The following ZNF106 variants were observed in gnomAD, a reference collection of about 807,000 sequenced individuals.
ZNF106 encodes the protein SH3-domain binding protein 3.
In ZNF106, 67 loss-of-function variants were observed where a neutral mutation model predicts 195.1. The ratio of observed to expected loss-of-function variants is 0.34; its 90% CI spans 0.28 to 0.42. The LOEUF (loss-of-function observed/expected upper bound fraction) is 0.42, where lower values mean the gene tolerates loss of function less well. ZNF106 is among the 10% of genes least tolerant of loss of function. The pLI is 1.00. For missense variants in ZNF106, 2,118 were observed against 2,304.5 expected, an observed-to-expected ratio of 0.92 and a Z score of 1.66; for synonymous variants, 784 against 818.6, an observed-to-expected ratio of 0.96 and a Z score of 0.72.
chr15:42,442,460 GA>G, intron 9 of ZNF106, 46 bp from the exon 10 acceptor site: 1 of 1,504,596 alleles, frequency 6.6e-7, no homozygotes, highest in Non-Finnish European at 9.0e-7. Flanking sequence ...AATGTTATCT[GA>G]AAAGTCATTT....
Position 42,448,719 on chromosome 15 carries a change from G to A in ZNF106, c.2502-14C>T. ...TCTATGCCAAACCTTAAGGAAGAAAGAAAAAATGAAAACATAAATTGGATA... is the reference window on the plus strand; with the variant it reads ...TCTATGCCAAACCTTAAGGAAGAAAAAAAAAATGAAAACATAAATTGGATA... On this transcript the variant is annotated splice_polypyrimidine_tract_variant and intron_variant, in intron 5 of 21. Transcript: ENST00000564754. The A allele has an allele frequency of 3.8e-6, 6 of 1,565,118 alleles. No individual in the cohort carries two copies. In the Admixed American group the frequency reaches 7.8e-5, roughly 20 times the overall value.
chr15:42,437,199 A>G (rs781262300), intron 13 of ZNF106, 33 bp downstream of exon 13: 3 of 1,582,442 alleles, frequency 1.9e-6, no homozygotes, highest in African/African-American at 2.7e-5. Flanking sequence ...AAAACCTGCA[A>G]CCAAAAACAT....
intron 3 of ZNF106, among the ~76,000 whole-genome samples, chr15:42,462,391 A>T (rs2141393676): frequency 1.3e-5 from 2 of 152,338 alleles, no homozygotes; most frequent in African/African-American, 4.8e-5. Flanking sequence ...TGAGGTCAGG[A>T]GTTCGAGACC....
In ZNF106 at chr15:42,487,962, A is replaced by G. The variant is rs117581049; in HGVS notation, c.-33+3018T>C. On this transcript the variant is annotated intron_variant, in intron 1 of 21. Transcript: ENST00000564754. ...ATCTGAGAATGTTAAAGACCCTTAT[A>G]TGAAATGGCACAGTATATGCATGTA... Among the ~76,000 whole-genome samples, 783 of 152,314 alleles carry G rather than the reference A, an allele frequency of 5.1e-3. 4 individuals carry two copies. Among genetic ancestry groups the G allele is most frequent in the Non-Finnish European group, 7.3e-3 (497 of 68,030 alleles).
intron 1 of ZNF106, among the ~76,000 whole-genome samples, chr15:42,477,922 CTTACA>C (rs1355059966): frequency 4.0e-5 from 6 of 151,096 alleles, no homozygotes; most frequent in African/African-American, 7.3e-5. Flanking sequence ...ACAAAAAAAA[CTTACA>C]TTAGTGTGTT....
At position 42,464,335 on chromosome 15, in the gene ZNF106, G is replaced by A. The variant is rs545719706; in HGVS notation, c.116+1718C>T. 2.9e-5 allele frequency among the ~76,000 whole-genome samples: 4 copies of A among 140,224 alleles called. No individual in the cohort carries two copies. In the East Asian group the frequency reaches 6.1e-4, roughly 21 times the overall value. 92.0% of individuals were successfully genotyped at this position (140,224 alleles called of 152,430 possible). On this transcript the variant is annotated intron_variant, in intron 3 of 21. Coordinates refer to ENST00000564754, the MANE Select transcript of ZNF106 (RefSeq NM_001366845.3). Reference sequence around the variant, plus strand: ...AACCTGGGCAACAGAGTGAGACTCCGTCTCAAAAAAAAAAAAACAAAAAAC... The same window carrying A: ...AACCTGGGCAACAGAGTGAGACTCCATCTCAAAAAAAAAAAAACAAAAAAC...
At chr15:42,422,468 TC>T in intron 18 of ZNF106, 32 bp downstream of exon 18, 1 of 1,605,844 alleles carries the variant, frequency 6.2e-7, no homozygotes, top group Non-Finnish European at 8.5e-7. Context: ...TCTCCCCAAA[TC>T]ATTCAAGCAA....
intron 13 of ZNF106, among the ~76,000 whole-genome samples, chr15:42,437,010 T>C (rs1240375356): frequency 6.6e-6 from 1 of 152,166 alleles, no homozygotes; most frequent in Non-Finnish European, 1.5e-5. Context: ...GGGAACTAGC[T>C]TTCAGGAAGA....
intron 14 of ZNF106, among the ~76,000 whole-genome samples, chr15:42,432,818 G>A (rs771861271): frequency 6.6e-6 from 1 of 151,886 alleles, no homozygotes; most frequent in Non-Finnish European, 1.5e-5. Context: ...CCAGGAGTTC[G>A]AGGCTGCAAT....
intron 9 of ZNF106, 25 bp from the exon 10 acceptor site, chr15:42,442,439 A>C (rs2141330041): frequency 1.3e-6 from 2 of 1,559,224 alleles, no homozygotes; most frequent in East Asian, 4.5e-5. Flanking sequence ...ATACATACAT[A>C]GAAATGCAAA....
intron 12 of ZNF106, among the ~76,000 whole-genome samples, chr15:42,437,902 CAAAAAAA>C (rs35756160): frequency 2.5e-5 from 2 of 81,082 alleles, no homozygotes; most frequent in African/African-American, 9.0e-5. Flanking sequence ...GACTCCGTCT[CAAAAAAA>C]AAAAAAAAAA....
At chr15:42,469,004 T>G (rs767165746) in intron 2 of ZNF106, among the ~76,000 whole-genome samples, 1 of 151,932 alleles carries the variant, frequency 6.6e-6, no homozygotes, top group Non-Finnish European at 1.5e-5. Flanking sequence ...CTGACCAACA[T>G]GGTGAAACCC....
chr15:42,471,192 G>A (rs530973551), intron 2 of ZNF106, among the ~76,000 whole-genome samples: 3 of 152,064 alleles, frequency 2.0e-5, no homozygotes, highest in Admixed American at 1.3e-4. Flanking sequence ...TCTCTTCCTC[G>A]TTTCTCTTAA....
Position 42,439,073 on chromosome 15 carries a change from T to C in ZNF106, c.4504A>G (p.Ser1502Gly), listed in dbSNP as rs1421180966. The change falls in exon 11 of 22, where the codon AGT becomes GGT. Residue 1502 changes from serine (S) to glycine (G), a missense_variant. Physicochemically the swap from Ser to Gly is moderately conservative, Grantham distance 56 (BLOSUM62 0). Transcript: ENST00000564754. Reference protein sequence around the residue: ...RSGCDEVSSTSEIGTRYKDGI... With the variant: ...RSGCDEVSSTGEIGTRYKDGI... ...TCTTTATAGCGAGTGCCAATTTCAC[T>C]GGTAGAGCTAACTTCATCACACCCA... is the stretch of plus-strand genomic sequence containing the variant. 2 of 1,613,932 alleles carry C rather than the reference T, an allele frequency of 1.2e-6. No homozygotes were observed. The highest frequency in any genetic ancestry group is 1.3e-5 in the African/African-American group (1 of 74,912).
chr15:42,457,276 T>A (rs2056260752), intron 3 of ZNF106, 118 bp from the exon 4 acceptor site: 1 of 1,541,006 alleles, frequency 6.5e-7, no homozygotes, highest in Non-Finnish European at 8.7e-7. Flanking sequence ...GAAAAATTAG[T>A]GCTAATTAAT....
chr15:42,417,679 T>C, intron 21 of ZNF106, 126 bp downstream of exon 21: 1 of 1,167,442 alleles, frequency 8.6e-7, no homozygotes, highest in Non-Finnish European at 1.2e-6. Flanking sequence ...AATCTCTGAA[T>C]CATAAAAATA....
chr15:42,443,634 G>A (rs1010230898), intron 9 of ZNF106, among the ~76,000 whole-genome samples: 2 of 151,720 alleles, frequency 1.3e-5, no homozygotes, highest in African/African-American at 2.4e-5. Flanking sequence ...GGGGAGTGAG[G>A]TGGGAAAATT....
chr15:42,446,523 A>C, intron 7 of ZNF106, 66 bp downstream of exon 7: 1 of 1,327,888 alleles, frequency 7.5e-7, no homozygotes, highest in Non-Finnish European at 1.1e-6. Context: ...GTTACCAAAA[A>C]CCCGCACCCC....
In ZNF106 at chr15:42,414,254, AAAG is replaced by A. The variant is rs199954514; in HGVS notation, c.*3047_*3049del. On this transcript the variant is annotated 3_prime_UTR_variant, in exon 22 of 22. Coordinates refer to ENST00000564754, the MANE Select transcript of ZNF106 (RefSeq NM_001366845.3). ...CACAACATTGTGGAAGACATTAAAA[AAAG>A]AAGGCAAAGTTCTGTATAATTTTCA... 6.6e-6 allele frequency: 1 copy of A among 152,238 alleles called. No individual in the cohort carries two copies. The highest frequency in any genetic ancestry group is 1.5e-5 in the Non-Finnish European group (1 of 68,052). 9.4% of individuals were successfully genotyped at this position (152,238 alleles called of 1,614,324 possible). A position where few individuals can be genotyped will look rare whatever the true frequency, so the allele number is the denominator to read the frequency against.
Sources: gnomAD v4.1 joint callset for allele counts (sites outside exome capture counted in the v4.1 genomes callset) on GRCh38, gnomAD v4.1.1 for gene constraint, MANE v1.5 for transcripts, NCBI Gene and HGNC (gene_info 2026-07-23, HGNC 2026-07-21) for gene names.